Variants in ENAH observed in about 807,000 individuals in gnomAD.
The protein encoded by ENAH is ENAH actin regulator.
A neutral mutation model predicts 78.7 loss-of-function variants in ENAH; 23 were observed. The ratio of observed to expected loss-of-function variants is 0.29; its 90% CI spans 0.21 to 0.41. The LOEUF is 0.41. Ranked by LOEUF, ENAH falls within the 10% of genes least tolerant of loss-of-function variation. The pLI is 1.00. For missense variants in ENAH, 544 were observed against 691.0 expected (o/e 0.79, Z 2.39); for synonymous variants, 226 against 241.0 (o/e 0.94, Z 0.58).
intron 2 of ENAH, among the ~76,000 whole-genome samples, chr1:225,561,322 A>G (rs183057143): frequency 2.0e-5 from 3 of 151,856 alleles, no homozygotes; most frequent in Admixed American, 2.0e-4. Flanking sequence ...CTTTAAAAGT[A>G]TTAAAATTAA....
chr1:225,550,347 C>G (rs2096635467), intron 3 of ENAH, among the ~76,000 whole-genome samples: 1 of 152,170 alleles, frequency 6.6e-6, no homozygotes, highest in South Asian at 2.1e-4. Flanking sequence ...GCAGCTGTAG[C>G]CCGACTGTGA....
rs138803931 is a variant in ENAH, at chr1:225,557,681, C to T, written c.172-2598G>A. Among the ~76,000 whole-genome samples the T allele has an allele frequency of 8.4e-3, 1,283 of 152,070 alleles. 24 individuals carry two copies. The highest frequency in any genetic ancestry group is 0.021 in the Middle Eastern group (6 of 290). On this transcript the variant is annotated intron_variant, in intron 2 of 13. Transcript: ENST00000366843. ...ACTAAAAATACAAAACTTAGCCAGG[C>T]GTGGTGGCATGTGCCTGTAATCCCA...
At chr1:225,605,674 C>T (rs2096952400) in intron 1 of ENAH, among the ~76,000 whole-genome samples, 1 of 152,170 alleles carries the variant, frequency 6.6e-6, no homozygotes, top group African/African-American at 2.4e-5. Context: ...ATCCTTACCC[C>T]CATTACCTCA....
intron 1 of ENAH, among the ~76,000 whole-genome samples, chr1:225,612,129 A>G (rs1361895103): frequency 3.3e-5 from 5 of 152,228 alleles, no homozygotes. Flanking sequence ...ATACTTATAC[A>G]TAAATCTTCA....
At chr1:225,591,764 CAAAAAAAAAAAA>C (rs55680042) in intron 1 of ENAH, among the ~76,000 whole-genome samples, 12 of 39,506 alleles carry the variant, frequency 3.0e-4, no homozygotes, top group East Asian at 1.1e-3. Flanking sequence ...GACTCCGTCT[CAAAAAAAAAAAA>C]AAAAAAAAAA....
intron 1 of ENAH, among the ~76,000 whole-genome samples, chr1:225,569,912 A>C (rs527601181): frequency 6.6e-6 from 1 of 152,158 alleles, no homozygotes; most frequent in Admixed American, 6.5e-5. Context: ...GCCCTAGAAG[A>C]TATCAGGCAC....
At chr1:225,520,359 T>C (rs1002751802) in intron 4 of ENAH, among the ~76,000 whole-genome samples, 13 of 151,496 alleles carry the variant, frequency 8.6e-5, no homozygotes, top group African/African-American at 2.9e-4. Context: ...CTTTAAATGA[T>C]TGAAATCTCA....
At chr1:225,636,619 G>A (rs1660100191) in intron 1 of ENAH, among the ~76,000 whole-genome samples, 1 of 152,150 alleles carries the variant, frequency 6.6e-6, no homozygotes, top group Non-Finnish European at 1.5e-5. Flanking sequence ...TGAGGTGGGA[G>A]GATCGTTAGA....
chr1:225,519,621 A>C, intron 4 of ENAH, 56 bp from the exon 5 acceptor site: 1 of 1,556,486 alleles, frequency 6.4e-7, no homozygotes, highest in South Asian at 1.2e-5. Flanking sequence ...CATCATGAAA[A>C]AGCGATTCTT....
In ENAH at chr1:225,512,667, T is replaced by G. The variant is rs1162735493; in HGVS notation, c.1412A>C (p.Glu471Ala). The G allele has an allele frequency of 6.2e-7, 1 of 1,613,412 alleles. No individual in the cohort carries two copies. The highest frequency in any genetic ancestry group is 2.2e-5 in the East Asian group (1 of 44,862). ...KGSTIETEQK[E>A]DKGEDSEPVT... is the part of the protein sequence containing the mutation. ...TCTTTATTAACTTACACCTTTGTCC[T>G]CTTTTTGTTCTGTTTCTATTGTTGA... The change falls in exon 9 of 14, where the codon GAG (glutamate) becomes GCG (alanine). Residue 471 changes from glutamate (E) to alanine (A), a missense_variant. Coordinates refer to ENST00000366843, the MANE Select transcript of ENAH (RefSeq NM_018212.6).
chr1:225,641,991 G>A (rs148252864), intron 1 of ENAH, among the ~76,000 whole-genome samples: 1,733 of 151,264 alleles, frequency 0.011, 28 homozygotes, highest in African/African-American at 0.039. Flanking sequence ...ACTGCACTCC[G>A]GCCTGGGGGA....
intron 11 of ENAH, among the ~76,000 whole-genome samples, chr1:225,507,249 C>T (rs1014760645): frequency 6.6e-6 from 1 of 152,006 alleles, no homozygotes; most frequent in East Asian, 1.9e-4. Flanking sequence ...CATGTTTCTA[C>T]TTTACAAATT....
chr1:225,617,889 A>T (rs1361467328), intron 1 of ENAH, among the ~76,000 whole-genome samples: 5 of 152,196 alleles, frequency 3.3e-5, no homozygotes. Flanking sequence ...AGGTTCTGTT[A>T]CCACCAACCT....
At chr1:225,608,220 GAAA>G (rs60998592) in intron 1 of ENAH, among the ~76,000 whole-genome samples, 9 of 91,286 alleles carry the variant, frequency 9.9e-5, no homozygotes, top group African/African-American at 1.7e-4. Flanking sequence ...ATAAAAAACA[GAAA>G]AAAAAAAAAA....
chr1:225,578,452 G>A (rs1035551273), intron 1 of ENAH, among the ~76,000 whole-genome samples: 4 of 152,164 alleles, frequency 2.6e-5, no homozygotes, highest in African/African-American at 9.7e-5. Context: ...TCCAGCTTGG[G>A]CGACAGAGCG....
chr1:225,628,064 G>C (rs1442500727), intron 1 of ENAH, among the ~76,000 whole-genome samples: 4 of 152,194 alleles, frequency 2.6e-5, no homozygotes, highest in Non-Finnish European at 5.9e-5. Context: ...TGGTAAACCA[G>C]GCTTTCCTTC....
intron 1 of ENAH, among the ~76,000 whole-genome samples, chr1:225,630,338 C>T (rs1404336386): frequency 2.6e-5 from 4 of 152,036 alleles, no homozygotes; most frequent in Non-Finnish European, 4.4e-5. Flanking sequence ...AAGAGTTGGA[C>T]TGTTGGTGTT....
intron 3 of ENAH, among the ~76,000 whole-genome samples, chr1:225,543,693 T>C (rs1379435842): frequency 1.3e-5 from 2 of 152,214 alleles, no homozygotes; most frequent in South Asian, 2.1e-4. Context: ...TCATGTAACA[T>C]AGTACCTTAA....
chr1:225,624,490 G>C (rs1428822750), intron 1 of ENAH, among the ~76,000 whole-genome samples: 3 of 151,994 alleles, frequency 2.0e-5, no homozygotes, highest in African/African-American at 7.3e-5. Flanking sequence ...TGGGTGGGGT[G>C]GTAGGCGCCT....
Sources: allele counts gnomAD v4.1 joint callset (sites outside exome capture counted in the v4.1 genomes callset), GRCh38; gene constraint gnomAD v4.1.1; transcripts MANE v1.5; gene names NCBI Gene and HGNC (gene_info 2026-07-23, HGNC 2026-07-21).